The following OXSR1 variants were observed in gnomAD, a reference collection of about 807,000 sequenced individuals.
The protein encoded by OXSR1 is serine/threonine-protein kinase OSR1.
In OXSR1, 24 loss-of-function variants were observed where a neutral mutation model predicts 79.8. The ratio of observed to expected loss-of-function variants is 0.30; its 90% CI spans 0.22 to 0.42. The LOEUF (loss-of-function observed/expected upper bound fraction) is 0.42, where lower values mean the gene tolerates loss of function less well. Ranked by LOEUF, OXSR1 falls within the 10% of genes least tolerant of loss-of-function variation. OXSR1 has a pLI of 1.00. For synonymous variants in OXSR1, 226 were observed against 209.2 expected (o/e 1.08, Z -0.69); for missense variants, 430 against 618.4 (o/e 0.70, Z 3.23).
chr3:38,204,266 A>G (rs1332415941), intron 4 of OXSR1, among the ~76,000 whole-genome samples: 1 of 152,142 alleles, frequency 6.6e-6, no homozygotes, highest in Non-Finnish European at 1.5e-5. Context: ...GCACGTCCAG[A>G]AATGCCATCC....
At chr3:38,250,382 G>A (rs1184502248) in intron 15 of OXSR1, among the ~76,000 whole-genome samples, 2 of 152,158 alleles carry the variant, frequency 1.3e-5, no homozygotes, top group African/African-American at 4.8e-5. Context: ...CTTGTTCAAG[G>A]TCACACAGCT....
At chr3:38,203,775 G>A (rs936725024) in intron 4 of OXSR1, among the ~76,000 whole-genome samples, 1 of 152,174 alleles carries the variant, frequency 6.6e-6, no homozygotes, top group Non-Finnish European at 1.5e-5. Flanking sequence ...GGACTGTCCT[G>A]GATCAGACTT....
At chr3:38,197,813 A>C (rs759156797) in intron 3 of OXSR1, among the ~76,000 whole-genome samples, 34 of 152,202 alleles carry the variant, frequency 2.2e-4, no homozygotes, top group Non-Finnish European at 3.8e-4. Context: ...TTTTAAGATA[A>C]CTATGTAAGC....
chr3:38,187,920 G>C (rs1319385495), intron 2 of OXSR1, among the ~76,000 whole-genome samples: 1 of 152,082 alleles, frequency 6.6e-6, no homozygotes, highest in African/African-American at 2.4e-5. Context: ...GGTTGAGGAA[G>C]CTGCTGGGTA....
chr3:38,230,466 T>G (rs1198476339), intron 10 of OXSR1, 36 bp downstream of exon 10: 1 of 1,392,438 alleles, frequency 7.2e-7, no homozygotes, highest in East Asian at 2.3e-5. Flanking sequence ...CCTGAAGAAT[T>G]TACTTTATTT....
intron 14 of OXSR1, among the ~76,000 whole-genome samples, chr3:38,248,919 A>G (rs1432210697): frequency 6.6e-6 from 1 of 152,190 alleles, no homozygotes; most frequent in African/African-American, 2.4e-5. Context: ...AAAAGAGAAA[A>G]TTAAATGACT....
chr3:38,183,625 A>G (rs996852658), intron 2 of OXSR1, among the ~76,000 whole-genome samples: 3 of 152,172 alleles, frequency 2.0e-5, no homozygotes, highest in Non-Finnish European at 4.4e-5. Context: ...ATCCTTTGAA[A>G]GGCTCTGGCC....
chr3:38,204,026 G>T (rs535461259), intron 4 of OXSR1, among the ~76,000 whole-genome samples: 44 of 152,272 alleles, frequency 2.9e-4, no homozygotes, highest in African/African-American at 1.0e-3. Flanking sequence ...GTCTACTGCA[G>T]CTAAGCTGGC....
At chr3:38,190,254 G>A (rs939906802) in intron 2 of OXSR1, among the ~76,000 whole-genome samples, 7 of 151,812 alleles carry the variant, frequency 4.6e-5, no homozygotes, top group African/African-American at 1.7e-4. Flanking sequence ...AGTTTTTGAC[G>A]TTGTCCTGTT....
In OXSR1 at chr3:38,240,022, C is replaced by A. The variant is rs182842546; in HGVS notation, c.1075-2721C>A. Reference sequence around the variant, plus strand: ...TTTGCAGAGGTGGGGTTGTTTCAGGCAGAAAGATAAATCTGGTCCCTGTTT... The same window carrying A: ...TTTGCAGAGGTGGGGTTGTTTCAGGAAGAAAGATAAATCTGGTCCCTGTTT... On this transcript the variant is annotated intron_variant, in intron 11 of 17. Coordinates refer to ENST00000311806, the MANE Select transcript of OXSR1 (RefSeq NM_005109.3). Among the ~76,000 whole-genome samples, 5 of 152,092 alleles carry A rather than the reference C, an allele frequency of 3.3e-5. No homozygotes were observed. The South Asian group carries it at 8.3e-4, about 25-fold the overall frequency.
intron 4 of OXSR1, among the ~76,000 whole-genome samples, chr3:38,207,679 T>G (rs1230458401): frequency 2.0e-5 from 3 of 152,160 alleles, no homozygotes; most frequent in African/African-American, 4.8e-5. Context: ...TCAGTAGTGC[T>G]GGGACAAGAA....
intron 1 of OXSR1, among the ~76,000 whole-genome samples, chr3:38,178,621 T>TATATATATATATA (rs1491123706): frequency 5.9e-4 from 39 of 65,758 alleles, no homozygotes; most frequent in African/African-American, 2.6e-3. Flanking sequence ...TATATATATA[T>TATATATATATATA]TTTTTTTTTT....
At chr3:38,250,826 C>T (rs1234600432) in intron 15 of OXSR1, among the ~76,000 whole-genome samples, 1 of 152,118 alleles carries the variant, frequency 6.6e-6, no homozygotes, top group African/African-American at 2.4e-5. Flanking sequence ...CACCGCAGTC[C>T]TCCTGTTCCC....
At chr3:38,167,406 C>T (rs1438321476) in intron 1 of OXSR1, among the ~76,000 whole-genome samples, 2 of 152,212 alleles carry the variant, frequency 1.3e-5, no homozygotes, top group Non-Finnish European at 2.9e-5. Context: ...CATGAGCAGA[C>T]ACCTGTGTAT....
At chr3:38,181,010 A>G (rs1399428727) in intron 1 of OXSR1, among the ~76,000 whole-genome samples, 1 of 152,092 alleles carries the variant, frequency 6.6e-6, no homozygotes, top group Non-Finnish European at 1.5e-5. Flanking sequence ...GGTAACATTC[A>G]CAGGCTTTGG....
chr3:38,242,444 T>C (rs1703054754), intron 11 of OXSR1, among the ~76,000 whole-genome samples: 1 of 152,222 alleles, frequency 6.6e-6, no homozygotes, highest in South Asian at 2.1e-4. Flanking sequence ...GAAAGAATTT[T>C]ACTTTGGAGA....
chr3:38,170,967 A>C (rs1701569923), intron 1 of OXSR1, among the ~76,000 whole-genome samples: 1 of 152,010 alleles, frequency 6.6e-6, no homozygotes, highest in Non-Finnish European at 1.5e-5. Flanking sequence ...TTGTAGAGAC[A>C]GGGTCTCATA....
At position 38,242,728 on chromosome 3, in the gene OXSR1, T is replaced by C. The variant is rs768812692; in HGVS notation, c.1075-15T>C. On this transcript the variant is annotated splice_polypyrimidine_tract_variant and intron_variant, in intron 11 of 17. Transcript: ENST00000311806. ...AGTTGTGAGTTAACAATCATCCTTTTTGTATTTCGTTTAGTCTCCCCGAGT... is the reference window on the plus strand; with the variant it reads ...AGTTGTGAGTTAACAATCATCCTTTCTGTATTTCGTTTAGTCTCCCCGAGT... 2.0e-6 allele frequency: 3 copies of C among 1,530,528 alleles called. No individual in the cohort carries two copies. The highest frequency in any genetic ancestry group is 2.4e-5 in the East Asian group (1 of 41,798). The allele number at this position is 1,530,528 out of a possible 1,614,324, so 94.8% of individuals were successfully genotyped here. A position where few individuals can be genotyped will look rare whatever the true frequency, so the allele number is the denominator to read the frequency against.
chr3:38,245,158 C>G (rs929814943), intron 12 of OXSR1, among the ~76,000 whole-genome samples: 1 of 152,040 alleles, frequency 6.6e-6, no homozygotes, highest in Admixed American at 6.5e-5. Context: ...TTCCTTGTCT[C>G]CTTGATTTTG....
Sources: allele counts gnomAD v4.1 joint callset (sites outside exome capture counted in the v4.1 genomes callset), GRCh38; gene constraint gnomAD v4.1.1; transcripts MANE v1.5; gene names NCBI Gene and HGNC (gene_info 2026-07-23, HGNC 2026-07-21).